The following SULF1 variants were observed in gnomAD, a reference collection of about 807,000 sequenced individuals.
SULF1 encodes sulfatase 1.
Under a neutral mutation model 110.5 loss-of-function variants are expected in SULF1, and 46 were observed. The ratio of observed to expected loss-of-function variants is 0.42; its 90% CI spans 0.33 to 0.53. SULF1 has a LOEUF of 0.53. Ranked by LOEUF, SULF1 falls within the 20% of genes least tolerant of loss-of-function variation. The probability of loss-of-function intolerance (pLI) is 0.12; values close to 1 mark genes in which losing one functional copy is unlikely to be tolerated. For synonymous variants in SULF1, 371 were observed against 387.1 expected (o/e 0.96, Z 0.49); for missense variants, 941 against 1,094.2 (o/e 0.86, Z 1.98).
At chr8:69,627,920 A>G (rs1810224419) in intron 17 of SULF1, 54 bp downstream of exon 17, 2 of 1,367,214 alleles carry the variant, frequency 1.5e-6, no homozygotes, top group Admixed American at 3.6e-5. Context: ...CGCACAAGCC[A>G]GAGGCATTAG....
At chr8:69,479,954 G>A (rs1238724911) in intron 1 of SULF1, among the ~76,000 whole-genome samples, 4 of 152,068 alleles carry the variant, frequency 2.6e-5, no homozygotes, top group African/African-American at 7.2e-5. Context: ...GAGGGCTACC[G>A]TGAGTAATCA....
intron 19 of SULF1, among the ~76,000 whole-genome samples, chr8:69,636,892 T>G (rs192441815): frequency 1.2e-3 from 189 of 152,284 alleles, no homozygotes; most frequent in Admixed American, 2.3e-3. Context: ...TTCAGAAAGC[T>G]GTAGTGGATC....
At chr8:69,572,625 A>G (rs537621926) in intron 5 of SULF1, among the ~76,000 whole-genome samples, 5 of 152,286 alleles carry the variant, frequency 3.3e-5, no homozygotes, top group African/African-American at 1.2e-4. Context: ...TTTTCAGGTG[A>G]GATTCACTGA....
chr8:69,492,910 GA>G lies in SULF1; in HGVS notation c.-603del, dbSNP rs1199225740. 6.5e-6 allele frequency: 1 copy of G among 152,728 alleles called. No homozygotes were observed. Among genetic ancestry groups the G allele is most frequent in the Non-Finnish European group, 1.5e-5 (1 of 68,186 alleles). 9.5% of individuals were successfully genotyped at this position (152,728 alleles called of 1,614,324 possible). On this transcript the variant is annotated 5_prime_UTR_variant, in exon 1 of 23. It removes the in-frame stop codon of an upstream open reading frame in the 5' UTR. Coordinates refer to ENST00000402687, the MANE Select transcript of SULF1 (RefSeq NM_001128205.2). ...CCGGGGCGGCTTGATCGGCAACTAG[GA>G]AACCCCAGGCGCAGAGGCCAGGAGC...
intron 3 of SULF1, among the ~76,000 whole-genome samples, chr8:69,524,597 T>A (rs985411245): frequency 6.6e-6 from 1 of 152,146 alleles, no homozygotes; most frequent in Non-Finnish European, 1.5e-5. Context: ...CATTTCAACA[T>A]GAGACTTGGA....
At position 69,500,797 on chromosome 8, in the gene SULF1, C is replaced by T. The variant is rs537575740; in HGVS notation, c.-228-1077C>T. On this transcript the variant is annotated intron_variant, in intron 2 of 22. Transcript: ENST00000402687. ...ATTGCAGAGGGTGGCATAAAACTAG[C>T]GGCGGCGGAGTTTCACTGCTGTTTG... Among the ~76,000 whole-genome samples the T allele has an allele frequency of 9.4e-4, 143 of 152,194 alleles. 1 individual carries two copies. The highest frequency in any genetic ancestry group is 2.8e-3 in the African/African-American group (117 of 41,526).
intron 22 of SULF1, among the ~76,000 whole-genome samples, chr8:69,647,088 G>C (rs1270528847): frequency 6.6e-6 from 1 of 151,846 alleles, no homozygotes; most frequent in East Asian, 1.9e-4. Flanking sequence ...GGGACTACAG[G>C]CACAGACCAC....
At chr8:69,581,573 G>A (rs1806064712) in intron 6 of SULF1, among the ~76,000 whole-genome samples, 1 of 152,196 alleles carries the variant, frequency 6.6e-6, no homozygotes, top group South Asian at 2.1e-4. Flanking sequence ...CATTAGTGAT[G>A]TATTCAGATA....
At chr8:69,619,067 A>C (rs1809396317) in intron 13 of SULF1, among the ~76,000 whole-genome samples, 1 of 152,166 alleles carries the variant, frequency 6.6e-6, no homozygotes, top group African/African-American at 2.4e-5. Flanking sequence ...TTATTTAATA[A>C]TTATTTATTT....
At chr8:69,657,507 T>C (rs1360115855) in intron 22 of SULF1, among the ~76,000 whole-genome samples, 1 of 152,252 alleles carries the variant, frequency 6.6e-6, no homozygotes, top group Admixed American at 6.5e-5. Flanking sequence ...CAGCCTCCAA[T>C]CAATCTTTGA....
At chr8:69,583,365 C>T (rs1219897218) in intron 6 of SULF1, among the ~76,000 whole-genome samples, 3 of 149,602 alleles carry the variant, frequency 2.0e-5, no homozygotes, top group Middle Eastern at 3.5e-3. Context: ...GTCAGGAGTT[C>T]GAGACCAACC....
chr8:69,544,295 G>A (rs1166720226), intron 3 of SULF1, among the ~76,000 whole-genome samples: 1 of 151,452 alleles, frequency 6.6e-6, no homozygotes, highest in Non-Finnish European at 1.5e-5. Context: ...TTGAGATGGA[G>A]TCTCGTTCTG....
intron 8 of SULF1, among the ~76,000 whole-genome samples, chr8:69,594,108 A>G (rs1385337963): frequency 1.3e-5 from 2 of 151,792 alleles, no homozygotes; most frequent in South Asian, 2.1e-4. Flanking sequence ...CTGGAGTGCA[A>G]TGGCACAATC....
At chr8:69,654,767 G>A (rs59388909) in intron 22 of SULF1, among the ~76,000 whole-genome samples, 7 of 152,084 alleles carry the variant, frequency 4.6e-5, no homozygotes. Context: ...GAGTGTGAAG[G>A]TATGTAAGCC....
At chr8:69,598,758 TC>T (rs1276262035) in intron 8 of SULF1, among the ~76,000 whole-genome samples, 45 of 152,190 alleles carry the variant, frequency 3.0e-4, no homozygotes, top group Non-Finnish European at 1.3e-4. Flanking sequence ...AGCCACACCC[TC>T]TTTTCCACAC....
intron 3 of SULF1, among the ~76,000 whole-genome samples, chr8:69,547,199 G>A (rs557372197): frequency 6.6e-6 from 1 of 152,166 alleles, no homozygotes; most frequent in African/African-American, 2.4e-5. Flanking sequence ...GTGGGGTGGG[G>A]GAGGACTAAT....
chr8:69,645,345 G>C (rs528019859), intron 22 of SULF1, among the ~76,000 whole-genome samples: 1 of 152,096 alleles, frequency 6.6e-6, no homozygotes, highest in Non-Finnish European at 1.5e-5. Context: ...AGTATAGCAC[G>C]TGCAGAACTC....
At chr8:69,611,506 T>C (rs1026923528) in intron 13 of SULF1, among the ~76,000 whole-genome samples, 1 of 151,974 alleles carries the variant, frequency 6.6e-6, no homozygotes, top group South Asian at 2.1e-4. Flanking sequence ...GTAACACTAA[T>C]TCATATTTGT....
At chr8:69,603,476 A>G (rs1807992952) in intron 11 of SULF1, 124 bp from the exon 12 acceptor site, 1 of 1,317,700 alleles carries the variant, frequency 7.6e-7, no homozygotes, top group Admixed American at 1.7e-5. Flanking sequence ...TGAATAGCAT[A>G]TTGATGGAGA....
Sources: allele counts gnomAD v4.1 joint callset (sites outside exome capture counted in the v4.1 genomes callset), GRCh38; gene constraint gnomAD v4.1.1; transcripts MANE v1.5; gene names NCBI Gene and HGNC (gene_info 2026-07-23, HGNC 2026-07-21).